TNK2: variants seen among roughly 807,000 people sequenced by gnomAD.
TNK2 encodes activated CDC42 kinase 1.
A neutral mutation model predicts 101.8 loss-of-function variants in TNK2; 83 were observed. The observed-to-expected ratio is 0.82, with a 90% confidence interval of 0.68 to 0.98. TNK2 has a LOEUF of 0.98. Among genes scored for constraint, TNK2 ranks in the 50% least tolerant of loss-of-function variants. The probability of loss-of-function intolerance (pLI) is 0.00; values close to 1 mark genes in which losing one functional copy is unlikely to be tolerated. For missense variants in TNK2, 1,665 were observed against 1,483.2 expected (o/e 1.12, Z -2.01); for synonymous variants, 804 against 633.0 (o/e 1.27, Z -4.06).
intron 10 of TNK2, among the ~76,000 whole-genome samples, chr3:195,872,008 T>TTCCCCTGGAGAACCC (rs1560488950): frequency 4.1e-4 from 18 of 44,086 alleles, no homozygotes; most frequent in African/African-American, 1.7e-3. Context: ...CTGGAGAACA[T>TTCCCCTGGAGAACCC]TCCCCTGGAG....
In TNK2 at chr3:195,885,725, G is replaced by T; in HGVS notation, c.235-692C>A. 3.7e-6 allele frequency: 2 copies of T among 543,528 alleles called. No individual in the cohort carries two copies. The highest frequency in any genetic ancestry group is 6.0e-6 in the Non-Finnish European group (2 of 335,662). 33.7% of individuals were successfully genotyped at this position (543,528 alleles called of 1,614,324 possible). On this transcript the variant is annotated intron_variant, in intron 3 of 15. Transcript: ENST00000672887. This position sits in a 1 kb window ranked among gnomAD's most constrained non-coding sequence, Gnocchi z 4.7. Reference sequence around the variant, plus strand: ...GGAGACTCGGAGGCCAGGGTGGACAGGGAGGAGCCGAAGGTCAAGGGACAG... The same window carrying T: ...GGAGACTCGGAGGCCAGGGTGGACATGGAGGAGCCGAAGGTCAAGGGACAG...
At chr3:195,877,707 AG>A (rs1439647390) in intron 9 of TNK2, among the ~76,000 whole-genome samples, 5 of 152,026 alleles carry the variant, frequency 3.3e-5, no homozygotes, top group Non-Finnish European at 7.4e-5. Context: ...GGGACTCCCG[AG>A]AGGCTGTGGG....
At chr3:195,907,108 A>G (rs1474701587) in intron 1 of TNK2, among the ~76,000 whole-genome samples, 4 of 152,186 alleles carry the variant, frequency 2.6e-5, no homozygotes, top group African/African-American at 9.6e-5. Context: ...CAAGTTCAAA[A>G]ACGCCGACCT....
rs766753201 is a variant in TNK2 at position 195,886,959 on chromosome 3, A to AC, written c.234+17dup. 1 of 1,607,756 alleles carries AC rather than the reference A, an allele frequency of 6.2e-7. No homozygotes were observed. The highest frequency in any genetic ancestry group is 1.3e-5 in the African/African-American group (1 of 74,588). ...GAGGCTGCCCCCCTCCCACCTCCTC[A>AC]CCCACCTCCTCACCCACCTTACTCA... On this transcript the variant is annotated intron_variant, in intron 3 of 15. Coordinates refer to ENST00000672887, the MANE Select transcript of TNK2 (RefSeq NM_001382273.1). This position sits in a 1 kb window ranked among gnomAD's most constrained non-coding sequence, Gnocchi z 4.2.
At chr3:195,869,783 C>G (rs558391958) in intron 11 of TNK2, 5 of 593,004 alleles carry the variant, frequency 8.4e-6, no homozygotes, top group African/African-American at 3.7e-5. Context: ...GAGCCGGAGC[C>G]GTGGGGTGGT....
chr3:195,890,645 G>A (rs1323968622), intron 1 of TNK2, among the ~76,000 whole-genome samples: 1 of 151,990 alleles, frequency 6.6e-6, no homozygotes, highest in Non-Finnish European at 1.5e-5. Context: ...CTCCATGTTG[G>A]CCAGGCTGGT....
In TNK2 at chr3:195,878,603, G is replaced by A; in HGVS notation, c.1015-11C>T. 3.1e-6 allele frequency: 5 copies of A among 1,609,544 alleles called. No individual in the cohort carries two copies. Among genetic ancestry groups the A allele is most frequent in the South Asian group, 2.2e-5 (2 of 91,000 alleles). ...GATCTTATGCAGGATCTGAAGGTGA[G>A]GAGGTGCAGAGTTTGACGACAAACA... On this transcript the variant is annotated splice_polypyrimidine_tract_variant and intron_variant, in intron 7 of 15. Transcript: ENST00000672887. This position sits in a 1 kb window ranked among gnomAD's most constrained non-coding sequence, Gnocchi z 4.7.
intron 9 of TNK2, 107 bp from the exon 10 acceptor site, chr3:195,872,577 G>A: frequency 8.2e-7 from 1 of 1,218,178 alleles, no homozygotes. Flanking sequence ...ATGGAGCTCA[G>A]GCCTCAGGAC....
At chr3:195,872,623 C>T in intron 9 of TNK2, 153 bp from the exon 10 acceptor site, 1 of 748,864 alleles carries the variant, frequency 1.3e-6, no homozygotes, top group Non-Finnish European at 2.1e-6. Context: ...CCCCAACAGC[C>T]CCCGTGACCC....
chr3:195,902,088 G>T (rs1208921482), intron 1 of TNK2, among the ~76,000 whole-genome samples: 1 of 152,172 alleles, frequency 6.6e-6, no homozygotes, highest in African/African-American at 2.4e-5. Context: ...CCCCTAGGGA[G>T]GGGGAGAATG....
At position 195,888,042 on chromosome 3, in the gene TNK2, G is replaced by A. The variant is rs1379390293; in HGVS notation, c.163+384C>T. Among the ~76,000 whole-genome samples, 1 of 152,128 alleles carries A rather than the reference G, an allele frequency of 6.6e-6. No individual in the cohort carries two copies. The highest frequency in any genetic ancestry group is 1.5e-5 in the Non-Finnish European group (1 of 68,036). ...AGAAAGAGAGCGTGAGCACGAATCA[G>A]CAAACCATCTGAGAGTTAGCGTTCT... On this transcript the variant is annotated intron_variant, in intron 2 of 15. Transcript: ENST00000672887. This position sits in a 1 kb window ranked among gnomAD's most constrained non-coding sequence, Gnocchi z 5.3.
chr3:195,870,239 G>A (rs1317862508), intron 10 of TNK2, 34 bp from the exon 11 acceptor site: 6 of 1,601,822 alleles, frequency 3.7e-6, no homozygotes, highest in African/African-American at 2.7e-5. Context: ...AGAGAGCAGG[G>A]GAAGCGTGTG....
At chr3:195,897,827 C>A (rs867120467) in intron 1 of TNK2, among the ~76,000 whole-genome samples, 9 of 113,838 alleles carry the variant, frequency 7.9e-5, no homozygotes, top group East Asian at 3.0e-4. Flanking sequence ...CACCCCCCCC[C>A]CACCCCCCGC....
At chr3:195,887,867 G>GGCGTGTGAGCGCGTGCGTACGC (rs1388999017) in intron 2 of TNK2, among the ~76,000 whole-genome samples, 5 of 141,024 alleles carry the variant, frequency 3.5e-5, no homozygotes, top group Non-Finnish European at 7.6e-5. Flanking sequence ...TGTGTGCGCA[G>GGCGTGTGAGCGCGTGCGTACGC]GCGTGTGAGC....
rs377450061 is a variant in TNK2, at chr3:195,901,521, T to TGAGGTACAGCTGAGGTACA, written c.-19+6963_-19+6964insTGTACCTCAGCTGTACCTC. Reference sequence around the variant, plus strand: ...AGCTGGGGGGCCCAGGAGGTACAGCTGCTGAGGAGGAAGAGAGGGACCAGG... The same window carrying TGAGGTACAGCTGAGGTACA: ...AGCTGGGGGGCCCAGGAGGTACAGCTGAGGTACAGCTGAGGTACAGCTGAGGAGGAAGAGAGGGACCAGG... On this transcript the variant is annotated intron_variant, in intron 1 of 15. Transcript: ENST00000672887. 5.6e-3 allele frequency among the ~76,000 whole-genome samples: 853 copies of TGAGGTACAGCTGAGGTACA among 152,220 alleles called. 8 individuals carry two copies. The highest frequency in any genetic ancestry group is 0.02 in the African/African-American group (815 of 41,518).
intron 1 of TNK2, among the ~76,000 whole-genome samples, chr3:195,889,262 G>A (rs1444364287): frequency 6.6e-6 from 1 of 152,184 alleles, no homozygotes; most frequent in South Asian, 2.1e-4. Context: ...AGGGAGCTCA[G>A]ATCCCATCAA....
intron 9 of TNK2, chr3:195,876,736 CG>C: frequency 4.6e-6 from 2 of 432,640 alleles, no homozygotes; most frequent in Admixed American, 2.5e-5. Context: ...CTGGGGCCAA[CG>C]GGGGCCTTCG....
chr3:195,890,524 C>G (rs1478145158), intron 1 of TNK2, among the ~76,000 whole-genome samples: 1 of 141,354 alleles, frequency 7.1e-6, no homozygotes, highest in African/African-American at 2.7e-5. Context: ...GATCTTGGCT[C>G]ATTGCAAACT....
At chr3:195,869,355 C>G in intron 12 of TNK2, 142 bp downstream of exon 12, 1 of 925,182 alleles carries the variant, frequency 1.1e-6, no homozygotes. Flanking sequence ...GCATGCTAGG[C>G]CAGGGCAGCC....
Sources: gnomAD v4.1 joint callset for allele counts (sites outside exome capture counted in the v4.1 genomes callset) on GRCh38, gnomAD v4.1.1 for gene constraint, Gnocchi (gnomAD v3.1) non-coding constraint, MANE v1.5 for transcripts, NCBI Gene and HGNC (gene_info 2026-07-23, HGNC 2026-07-21) for gene names.